The following IGSF21 variants were observed in gnomAD, a reference collection of about 807,000 sequenced individuals.
IGSF21 encodes immunoglobin superfamily member 21, also known as immunoglobulin superfamily member 21.
In IGSF21, 28 loss-of-function variants were observed where a neutral mutation model predicts 46.8. The ratio of observed to expected loss-of-function variants is 0.60; its 90% confidence interval spans 0.44 to 0.82. The LOEUF (loss-of-function observed/expected upper bound fraction) is 0.82. Among genes scored for constraint, IGSF21 ranks in the 40% least tolerant of loss-of-function variants. The pLI is 0.00. For missense variants in IGSF21, 624 were observed against 665.5 expected (o/e 0.94, Z 0.69); for synonymous variants, 284 against 273.6 (o/e 1.04, Z -0.38).
intron 1 of IGSF21, among the ~76,000 whole-genome samples, chr1:18,164,240 G>A (rs1054771381): frequency 2.0e-5 from 3 of 152,048 alleles, no homozygotes; most frequent in Non-Finnish European, 4.4e-5. Context: ...TTTCAGCCTG[G>A]GTTTGACTGA....
intron 1 of IGSF21, among the ~76,000 whole-genome samples, chr1:18,144,413 C>G (rs1238750568): frequency 2.6e-5 from 4 of 152,230 alleles, no homozygotes; most frequent in African/African-American, 7.2e-5. Flanking sequence ...CCCTAGTCAC[C>G]TCCCTGCCCA....
At chr1:18,146,998 C>G (rs2086476334) in intron 1 of IGSF21, among the ~76,000 whole-genome samples, 1 of 152,172 alleles carries the variant, frequency 6.6e-6, no homozygotes, top group Admixed American at 6.5e-5. Flanking sequence ...TACGCCTGGT[C>G]CAGGAACGAG....
At chr1:18,341,012 C>CTTCTTCTTCT (rs1408481162) in intron 4 of IGSF21, among the ~76,000 whole-genome samples, 6 of 85,084 alleles carry the variant, frequency 7.1e-5, no homozygotes, top group Admixed American at 1.3e-4. Context: ...CCTCCTTCTT[C>CTTCTTCTTCT]TCTTCTTCTT....
rs570498685 is a variant in IGSF21, at chr1:18,174,073, T to G, written c.71-53825T>G. On this transcript the variant is annotated intron_variant, in intron 1 of 9. Coordinates refer to ENST00000251296, the MANE Select transcript of IGSF21 (RefSeq NM_032880.5). ...CTGGCCTCTTTGAATTTTAAAATCATACTTTCCATACATGAATGTTCCGGG... is the reference window on the plus strand; with the variant it reads ...CTGGCCTCTTTGAATTTTAAAATCAGACTTTCCATACATGAATGTTCCGGG... 3.9e-5 allele frequency among the ~76,000 whole-genome samples: 6 copies of G among 152,292 alleles called. No homozygotes were observed. In the South Asian group the frequency reaches 1.2e-3, roughly 32 times the overall value.
intron 4 of IGSF21, among the ~76,000 whole-genome samples, chr1:18,338,078 T>C (rs910107818): frequency 6.6e-6 from 1 of 152,094 alleles, no homozygotes; most frequent in Non-Finnish European, 1.5e-5. Context: ...ATAAGCCCAT[T>C]GCACAGACCT....
At chr1:18,349,509 A>C (rs1472647617) in intron 4 of IGSF21, among the ~76,000 whole-genome samples, 5 of 152,182 alleles carry the variant, frequency 3.3e-5, no homozygotes, top group Non-Finnish European at 5.9e-5. Flanking sequence ...CGCTGCAGGC[A>C]GAAGGAGCTA....
intron 1 of IGSF21, among the ~76,000 whole-genome samples, chr1:18,160,931 G>C (rs1379816143): frequency 6.6e-6 from 1 of 152,154 alleles, no homozygotes; most frequent in African/African-American, 2.4e-5. Context: ...GCCTGCTCGA[G>C]ATGGGAGGTG....
At chr1:18,283,604 C>T (rs982494802) in intron 2 of IGSF21, among the ~76,000 whole-genome samples, 11 of 152,090 alleles carry the variant, frequency 7.2e-5, no homozygotes, top group African/African-American at 2.2e-4. Context: ...ACACAGCAGG[C>T]GGCCAGGCGG....
rs1260738585 is a variant in IGSF21 at position 18,322,119 on chromosome 1, A to G, written c.306-12773A>G. Reference sequence around the variant, plus strand: ...CTTATTGCAAAAGGCTTTCCCTGAGAATTGAATGAGATCAGTTTTCAGTGC... The same window carrying G: ...CTTATTGCAAAAGGCTTTCCCTGAGGATTGAATGAGATCAGTTTTCAGTGC... On this transcript the variant is annotated intron_variant, in intron 3 of 9. Transcript: ENST00000251296. The surrounding 1 kb of genome is among the most constrained non-coding windows in gnomAD (Gnocchi z 4.3). 6.6e-6 allele frequency among the ~76,000 whole-genome samples: 1 copy of G among 152,088 alleles called. No individual in the cohort carries two copies. Among genetic ancestry groups the G allele is most frequent in the Non-Finnish European group, 1.5e-5 (1 of 68,022 alleles).
At chr1:18,275,143 G>A (rs1217504431) in intron 2 of IGSF21, among the ~76,000 whole-genome samples, 9 of 152,206 alleles carry the variant, frequency 5.9e-5, no homozygotes. Context: ...CAGAAGCAGA[G>A]TCTTAAACCA....
chr1:18,238,022 C>T (rs539930669), intron 2 of IGSF21, among the ~76,000 whole-genome samples: 1 of 152,226 alleles, frequency 6.6e-6, no homozygotes, highest in East Asian at 1.9e-4. Flanking sequence ...GCTCAAACCC[C>T]AGAAAATATG....
chr1:18,325,757 C>T (rs2085651694), intron 3 of IGSF21, among the ~76,000 whole-genome samples: 1 of 152,218 alleles, frequency 6.6e-6, no homozygotes, highest in South Asian at 2.1e-4. Context: ...CTGTCTCCAT[C>T]TGTTTTCCCA....
At chr1:18,275,351 T>C (rs1322735098) in intron 2 of IGSF21, among the ~76,000 whole-genome samples, 2 of 152,140 alleles carry the variant, frequency 1.3e-5, no homozygotes, top group Non-Finnish European at 2.9e-5. Flanking sequence ...GCCTCGGATC[T>C]ACTCCCCAAG....
intron 1 of IGSF21, among the ~76,000 whole-genome samples, chr1:18,217,648 C>T (rs1022704592): frequency 1.5e-4 from 23 of 152,210 alleles, no homozygotes; most frequent in African/African-American, 5.3e-4. Context: ...CCCTGCTACA[C>T]TCCAGCAAGA....
At chr1:18,241,364 A>G (rs1254309435) in intron 2 of IGSF21, among the ~76,000 whole-genome samples, 1 of 152,130 alleles carries the variant, frequency 6.6e-6, no homozygotes, top group African/African-American at 2.4e-5. Context: ...ATAAGTGAAG[A>G]TTCTGGGGAT....
At chr1:18,132,297 CA>C (rs1208453876) in intron 1 of IGSF21, among the ~76,000 whole-genome samples, 1 of 152,190 alleles carries the variant, frequency 6.6e-6, no homozygotes, top group Non-Finnish European at 1.5e-5. Flanking sequence ...ATCTATGACC[CA>C]TAGATTTGAC....
At chr1:18,278,202 GCATT>G (rs66502131) in intron 2 of IGSF21, among the ~76,000 whole-genome samples, 29,773 of 105,898 alleles carry the variant, frequency 0.28, 3,869 homozygotes, top group East Asian at 0.68. Context: ...AAACATGGCT[GCATT>G]CATTTATTTA....
intron 1 of IGSF21, among the ~76,000 whole-genome samples, chr1:18,117,836 C>A (rs1004706701): frequency 1.3e-5 from 2 of 152,238 alleles, no homozygotes; most frequent in African/African-American, 4.8e-5. Context: ...TCTGCACTGT[C>A]TCCTCTCTCC....
chr1:18,297,412 A>C (rs76789351), intron 3 of IGSF21, among the ~76,000 whole-genome samples: 1,799 of 152,226 alleles, frequency 0.012, 40 homozygotes, highest in African/African-American at 0.038. Context: ...ACCATATATC[A>C]GGGACAATGA....
Sources: gnomAD v4.1 joint callset for allele counts (sites outside exome capture counted in the v4.1 genomes callset) on GRCh38, gnomAD v4.1.1 for gene constraint, Gnocchi (gnomAD v3.1) non-coding constraint, MANE v1.5 for transcripts, NCBI Gene and HGNC (gene_info 2026-07-23, HGNC 2026-07-21) for gene names.